ERBB4: variants seen among roughly 807,000 people sequenced by gnomAD.
ERBB4 encodes receptor tyrosine-protein kinase erbB-4.
Under a neutral mutation model 158.0 loss-of-function variants are expected in ERBB4, and 42 were observed. That is an observed-to-expected ratio of 0.27 (90% CI 0.21 to 0.34). The LOEUF (loss-of-function observed/expected upper bound fraction) is 0.34. ERBB4 is among the 10% of genes least tolerant of loss of function. The probability of loss-of-function intolerance (pLI) is 1.00; values close to 1 mark genes in which losing one functional copy is unlikely to be tolerated. For synonymous variants in ERBB4, 583 were observed against 558.7 expected (o/e 1.04, Z -0.61); for missense variants, 1,333 against 1,624.1 (o/e 0.82, Z 3.08).
intron 20 of ERBB4, among the ~76,000 whole-genome samples, chr2:211,521,117 A>C (rs1250493326): frequency 6.6e-6 from 1 of 152,164 alleles, no homozygotes; most frequent in South Asian, 2.1e-4. Context: ...ATTTTAAATC[A>C]AAAGCTAGAA....
chr2:211,675,220 G>GGATAGGGAGCTTTGT (rs1553607727), intron 13 of ERBB4, among the ~76,000 whole-genome samples: 1 of 152,028 alleles, frequency 6.6e-6, no homozygotes, highest in African/African-American at 2.4e-5. Flanking sequence ...AGGGAGCTTT[G>GGATAGGGAGCTTTGT]TTCCCTTGGT....
chr2:212,065,169 T>G (rs2077905477), intron 2 of ERBB4, among the ~76,000 whole-genome samples: 1 of 151,974 alleles, frequency 6.6e-6, no homozygotes, highest in Non-Finnish European at 1.5e-5. Flanking sequence ...ATACAAGCAT[T>G]TATTTGTTGA....
At chr2:212,225,691 C>A (rs1028642613) in intron 1 of ERBB4, among the ~76,000 whole-genome samples, 2 of 151,384 alleles carry the variant, frequency 1.3e-5, no homozygotes, top group African/African-American at 2.4e-5. Flanking sequence ...ATATATTATA[C>A]AATAAATGGG....
At chr2:211,479,833 G>GTT (rs1383936918) in intron 20 of ERBB4, among the ~76,000 whole-genome samples, 6 of 152,036 alleles carry the variant, frequency 3.9e-5, no homozygotes, top group African/African-American at 1.4e-4. Flanking sequence ...ATTACAATAT[G>GTT]TTATATATGA....
chr2:211,989,771 T>C (rs2082026117), intron 2 of ERBB4, among the ~76,000 whole-genome samples: 1 of 151,994 alleles, frequency 6.6e-6, no homozygotes, highest in South Asian at 2.1e-4. Context: ...AAAATGAGTC[T>C]TCAGTGAATG....
At chr2:211,535,920 G>A (rs1174402675) in intron 20 of ERBB4, among the ~76,000 whole-genome samples, 1 of 151,960 alleles carries the variant, frequency 6.6e-6, no homozygotes, top group Non-Finnish European at 1.5e-5. Flanking sequence ...TTTATAAACA[G>A]CATTTATGGA....
At chr2:212,225,813 C>CCATCTG (rs2083450297) in intron 1 of ERBB4, among the ~76,000 whole-genome samples, 1 of 151,950 alleles carries the variant, frequency 6.6e-6, no homozygotes, top group Non-Finnish European at 1.5e-5. Flanking sequence ...GTCCCTATAA[C>CCATCTG]AGGCTGAATC....
chr2:211,867,024 CA>C (rs386392490), intron 3 of ERBB4, among the ~76,000 whole-genome samples: 8,079 of 60,260 alleles, frequency 0.13, 126 homozygotes, highest in African/African-American at 0.22. Context: ...TCCTTAAAAC[CA>C]AAAAAAAAAA....
intron 4 of ERBB4, among the ~76,000 whole-genome samples, chr2:211,775,971 C>T (rs915624611): frequency 2.0e-5 from 3 of 152,110 alleles, no homozygotes; most frequent in South Asian, 2.1e-4. Flanking sequence ...TGAGTTGTAT[C>T]GGGGTTTGTC....
chr2:212,193,477 C>T (rs906469681), intron 1 of ERBB4, among the ~76,000 whole-genome samples: 8 of 152,040 alleles, frequency 5.3e-5, no homozygotes, highest in African/African-American at 1.7e-4. Flanking sequence ...AGATAGAAAA[C>T]AGTTCATGAG....
chr2:212,223,870 G>A (rs2105961850), intron 1 of ERBB4, among the ~76,000 whole-genome samples: 1 of 151,712 alleles, frequency 6.6e-6, no homozygotes, highest in African/African-American at 2.4e-5. Flanking sequence ...TTTAGTCAAA[G>A]CCTGGAAAAT....
At chr2:211,652,504 A>G (rs2071031197) in intron 16 of ERBB4, among the ~76,000 whole-genome samples, 1 of 152,204 alleles carries the variant, frequency 6.6e-6, no homozygotes, top group Non-Finnish European at 1.5e-5. Context: ...AACAAGGAAA[A>G]AAAAATGTGC....
intron 5 of ERBB4, among the ~76,000 whole-genome samples, chr2:211,732,960 G>A (rs1433610102): frequency 6.6e-6 from 1 of 152,172 alleles, no homozygotes; most frequent in Non-Finnish European, 1.5e-5. Context: ...CTGCGTGACT[G>A]AGTGAGACTC....
intron 1 of ERBB4, among the ~76,000 whole-genome samples, chr2:212,214,687 C>A (rs565923918): frequency 8.8e-5 from 9 of 101,974 alleles, no homozygotes; most frequent in African/African-American, 1.5e-4. Flanking sequence ...TTTGGAAAAC[C>A]CTTTGGCAAT....
chr2:212,136,188 A>T (rs1345627699), intron 1 of ERBB4, among the ~76,000 whole-genome samples: 1 of 152,200 alleles, frequency 6.6e-6, no homozygotes, highest in African/African-American at 2.4e-5. Flanking sequence ...AGATGTTCCT[A>T]ATATGATACT....
rs1559600008 is a variant in ERBB4 at position 212,149,363 on chromosome 2, T to C, written c.83-24460A>G. On this transcript the variant is annotated intron_variant, in intron 1 of 27. Coordinates refer to ENST00000342788, the MANE Select transcript of ERBB4 (RefSeq NM_005235.3). Reference sequence around the variant, plus strand: ...ATAGTGCTCGTCACATGTACTCTTTTTTAAAAAATGTGTTGGTTTTTATAG... The same window carrying C: ...ATAGTGCTCGTCACATGTACTCTTTCTTAAAAAATGTGTTGGTTTTTATAG... Among the ~76,000 whole-genome samples, 3 of 152,128 alleles carry C rather than the reference T, an allele frequency of 2.0e-5. No homozygotes were observed. In the South Asian group the frequency reaches 6.2e-4, roughly 31 times the overall value.
intron 16 of ERBB4, among the ~76,000 whole-genome samples, chr2:211,641,646 C>T (rs2070596488): frequency 6.6e-6 from 1 of 152,038 alleles, no homozygotes; most frequent in African/African-American, 2.4e-5. Context: ...AAAGAGTCCC[C>T]TTCATATTCT....
chr2:212,474,992 C>CCT (rs1689313315), intron 1 of ERBB4, among the ~76,000 whole-genome samples: 1 of 151,894 alleles, frequency 6.6e-6, no homozygotes, highest in African/African-American at 2.4e-5. Flanking sequence ...GGTCCTCCCG[C>CCT]TTAGGCTTTC....
At chr2:211,610,423 T>G (rs866368384) in intron 19 of ERBB4, among the ~76,000 whole-genome samples, 6 of 152,068 alleles carry the variant, frequency 3.9e-5, no homozygotes, top group African/African-American at 1.4e-4. Flanking sequence ...ACCATTGAGG[T>G]TTGACATATT....
Sources: allele counts gnomAD v4.1 joint callset (sites outside exome capture counted in the v4.1 genomes callset), GRCh38; gene constraint gnomAD v4.1.1; transcripts MANE v1.5; gene names NCBI Gene and HGNC (gene_info 2026-07-23, HGNC 2026-07-21).